The following PCDHGA11 variants were observed in gnomAD, a reference collection of about 807,000 sequenced individuals.
The protein encoded by PCDHGA11 is protocadherin gamma-A11.
PCDHGA11 carries 39 observed loss-of-function variants against 60.4 expected under a neutral mutation model. The ratio of observed to expected loss-of-function variants is 0.65; its 90% CI spans 0.50 to 0.84. The LOEUF (loss-of-function observed/expected upper bound fraction) is 0.84. Among genes scored for constraint, PCDHGA11 ranks in the 40% least tolerant of loss-of-function variants. The pLI is 0.00. For synonymous variants in PCDHGA11, 533 were observed against 510.3 expected (o/e 1.04, Z -0.60); for missense variants, 1,165 against 1,197.7 (o/e 0.97, Z 0.40).
intron 1 of PCDHGA11, among the ~76,000 whole-genome samples, chr5:141,464,264 AAAAAAAAAAAAAAGC>A (rs974197911): frequency 4.0e-4 from 52 of 130,598 alleles, no homozygotes; most frequent in Non-Finnish European, 6.3e-4. Context: ...GACTCCGTCT[AAAAAAAAAAAAAAGC>A]AAAAAAAAAA....
chr5:141,467,990 A>G (rs1593103654), intron 1 of PCDHGA11, among the ~76,000 whole-genome samples: 2 of 152,052 alleles, frequency 1.3e-5, no homozygotes, highest in South Asian at 2.1e-4. Context: ...GAAAACCACA[A>G]TTCTTTCTTC....
intron 1 of PCDHGA11, among the ~76,000 whole-genome samples, chr5:141,434,746 C>T (rs1591345130): frequency 6.6e-6 from 1 of 151,796 alleles, no homozygotes; most frequent in South Asian, 2.1e-4. Context: ...GGCTATGAGA[C>T]CCCTGATTCC....
rs1457243337 is a variant in PCDHGA11 at position 141,493,567 on chromosome 5, C to T, written c.2434-1240C>T. Reference sequence around the variant, plus strand: ...TTTGGAGATTGAGTTCCCCCAGCTCCGTTTCCTCCTATCACAATCACTGCA... The same window carrying T: ...TTTGGAGATTGAGTTCCCCCAGCTCTGTTTCCTCCTATCACAATCACTGCA... On this transcript the variant is annotated intron_variant, in intron 1 of 3. Transcript: ENST00000398587. This position sits in a 1 kb window ranked among gnomAD's most constrained non-coding sequence, Gnocchi z 4.3. Among the ~76,000 whole-genome samples, 3 of 152,266 alleles carry T rather than the reference C, an allele frequency of 2.0e-5. No individual in the cohort carries two copies. The highest frequency in any genetic ancestry group is 4.4e-5 in the Non-Finnish European group (3 of 68,018).
At chr5:141,452,354 G>C (rs2154563893) in intron 1 of PCDHGA11, among the ~76,000 whole-genome samples, 1 of 152,240 alleles carries the variant, frequency 6.6e-6, no homozygotes, top group Non-Finnish European at 1.5e-5. Flanking sequence ...TTATCCAAAA[G>C]CCTTGCTTCA....
chr5:141,476,357 C>T lies in PCDHGA11; in HGVS notation c.2434-18450C>T. On this transcript the variant is annotated intron_variant, in intron 1 of 3. Transcript: ENST00000398587. The surrounding 1 kb of genome is among the most constrained non-coding windows in gnomAD (Gnocchi z 7.6). ...TAGCCGAAGATTCTTTGAGGTGAAC[C>T]GGGAGACCGGAGAGATGTTTGTGAA... The T allele has an allele frequency of 6.2e-7, 1 of 1,614,052 alleles. No individual in the cohort carries two copies. The highest frequency in any genetic ancestry group is 2.2e-5 in the East Asian group (1 of 44,854).
intron 1 of PCDHGA11, among the ~76,000 whole-genome samples, chr5:141,465,409 A>G (rs1037916815): frequency 3.3e-5 from 5 of 152,188 alleles, no homozygotes; most frequent in African/African-American, 4.8e-5. Flanking sequence ...AAGAAGCCAA[A>G]TCAGCACTGA....
In PCDHGA11 at chr5:141,487,227, G is replaced by A. The variant is rs763361726; in HGVS notation, c.2434-7580G>A. The A allele has an allele frequency of 6.2e-7, 1 of 1,614,070 alleles. No individual in the cohort carries two copies. Among genetic ancestry groups the A allele is most frequent in the Non-Finnish European group, 8.5e-7 (1 of 1,179,952 alleles). On this transcript the variant is annotated intron_variant, in intron 1 of 3. Transcript: ENST00000398587. The surrounding 1 kb of genome is among the most constrained non-coding windows in gnomAD (Gnocchi z 5.0). The stretch of plus-strand genomic sequence containing the variant: ...CGAGAATCTTCAGCTCCAAGGGAAG[G>A]AGAATCTCGTCTAACCCTCTACTTG...
intron 1 of PCDHGA11, chr5:141,428,181 AG>A (rs776102500): frequency 6.7e-7 from 1 of 1,486,230 alleles, no homozygotes; most frequent in Admixed American, 1.8e-5. Context: ...GACGGAGGAC[AG>A]CCGCCGCTCT....
chr5:141,459,311 T>A (rs1298312167), intron 1 of PCDHGA11, among the ~76,000 whole-genome samples: 1 of 152,250 alleles, frequency 6.6e-6, no homozygotes, highest in Non-Finnish European at 1.5e-5. Flanking sequence ...TATACTATTT[T>A]GTATCCATCT....
chr5:141,502,179 A>C (rs1403845758), intron 2 of PCDHGA11, among the ~76,000 whole-genome samples: 3 of 152,218 alleles, frequency 2.0e-5, no homozygotes, highest in African/African-American at 7.2e-5. Context: ...GGAATTTAAC[A>C]TTAATACAAT....
intron 2 of PCDHGA11, among the ~76,000 whole-genome samples, chr5:141,496,419 C>T (rs1292183963): frequency 6.6e-6 from 1 of 152,174 alleles, no homozygotes; most frequent in Non-Finnish European, 1.5e-5. Flanking sequence ...TACTTGCTGT[C>T]CACATTTGCC....
At chr5:141,492,312 C>T (rs1470136040) in intron 1 of PCDHGA11, among the ~76,000 whole-genome samples, 2 of 152,348 alleles carry the variant, frequency 1.3e-5, no homozygotes, top group African/African-American at 4.8e-5. Flanking sequence ...CGCACGCACT[C>T]CTCGCACGTG....
chr5:141,433,359 C>CTATCTATCTATA, intron 1 of PCDHGA11: 1 of 228,708 alleles, frequency 4.4e-6, no homozygotes, highest in South Asian at 4.1e-5. Context: ...TACTGTCTGC[C>CTATCTATCTATA]TATCTATCTA....
At chr5:141,488,042 G>T (rs2099670966) in intron 1 of PCDHGA11, among the ~76,000 whole-genome samples, 1 of 152,168 alleles carries the variant, frequency 6.6e-6, no homozygotes, top group Non-Finnish European at 1.5e-5. Context: ...TTTCCCAAGG[G>T]ATTGAGGGGA....
Position 141,431,135 on chromosome 5 carries a change from A to C in PCDHGA11, c.2433+7475A>C. ...TGGAGTAGAAGTAGAAGTAAGGGAC[A>C]TTAACGACAATGCGCCTTACTTTCG... On this transcript the variant is annotated intron_variant, in intron 1 of 3. Coordinates refer to ENST00000398587, the MANE Select transcript of PCDHGA11 (RefSeq NM_018914.3). The surrounding 1 kb of genome is among the most constrained non-coding windows in gnomAD (Gnocchi z 4.8). 1 of 1,614,266 alleles carries C rather than the reference A, an allele frequency of 6.2e-7. No homozygotes were observed. Among genetic ancestry groups the C allele is most frequent in the Non-Finnish European group, 8.5e-7 (1 of 1,180,042 alleles).
At chr5:141,464,759 ACAGG>A (rs2099090169) in intron 1 of PCDHGA11, among the ~76,000 whole-genome samples, 1 of 152,158 alleles carries the variant, frequency 6.6e-6, no homozygotes, top group Non-Finnish European at 1.5e-5. Context: ...TTTTTTAGAG[ACAGG>A]AATCTTGTTC....
chr5:141,428,181 A>G, intron 1 of PCDHGA11: 2 of 1,486,230 alleles, frequency 1.3e-6, no homozygotes, highest in Non-Finnish European at 1.8e-6. Flanking sequence ...GACGGAGGAC[A>G]GCCGCCGCTC....
At chr5:141,430,915 G>A (rs565034370) in intron 1 of PCDHGA11, 2 of 1,607,738 alleles carry the variant, frequency 1.2e-6, no homozygotes, top group East Asian at 4.5e-5. Context: ...CCAGGGACCT[G>A]GGGCTGGAGC....
At chr5:141,461,007 A>G (rs965754689) in intron 1 of PCDHGA11, among the ~76,000 whole-genome samples, 1 of 151,418 alleles carries the variant, frequency 6.6e-6, no homozygotes, top group Non-Finnish European at 1.5e-5. Flanking sequence ...GTGTATATAT[A>G]TATACCACAT....
Sources: allele counts gnomAD v4.1 joint callset (sites outside exome capture counted in the v4.1 genomes callset), GRCh38; gene constraint gnomAD v4.1.1; non-coding constraint Gnocchi (gnomAD v3.1); transcripts MANE v1.5; gene names NCBI Gene and HGNC (gene_info 2026-07-23, HGNC 2026-07-21).